MYO5B: variants seen among roughly 807,000 people sequenced by gnomAD.
MYO5B encodes myosin VB, also known as unconventional myosin-Vb.
Under a neutral mutation model 229.3 loss-of-function variants are expected in MYO5B, and 143 were observed. The observed-to-expected ratio is 0.62, with a 90% confidence interval of 0.54 to 0.72. The LOEUF (loss-of-function observed/expected upper bound fraction) is 0.72, where lower values mean the gene tolerates loss of function less well. Ranked by LOEUF, MYO5B falls within the 30% of genes least tolerant of loss-of-function variation. The pLI is 0.00. For missense variants in MYO5B, 2,321 were observed against 2,331.0 expected, an observed-to-expected ratio of 1.00 and a Z score of 0.09; for synonymous variants, 918 against 885.2, an observed-to-expected ratio of 1.04 and a Z score of -0.66.
intron 12 of MYO5B, among the ~76,000 whole-genome samples, chr18:49,958,220 T>G (rs2025517792): frequency 6.6e-6 from 1 of 152,138 alleles, no homozygotes; most frequent in Non-Finnish European, 1.5e-5. Context: ...AAAACTGAAT[T>G]TCACTCGGAG....
chr18:50,034,698 C>G (rs956399532), intron 4 of MYO5B, among the ~76,000 whole-genome samples: 2 of 152,042 alleles, frequency 1.3e-5, no homozygotes, highest in African/African-American at 4.8e-5. Context: ...GAGCTGATAT[C>G]GCAGCACTTC....
intron 14 of MYO5B, among the ~76,000 whole-genome samples, chr18:49,948,005 T>G (rs1043677888): frequency 2.0e-5 from 3 of 152,210 alleles, no homozygotes; most frequent in African/African-American, 7.2e-5. Context: ...TAATGCTATC[T>G]ACATACGTAA....
At position 50,184,706 on chromosome 18, in the gene MYO5B, G is replaced by T. The variant is rs564150142; in HGVS notation, c.27+10061C>A. Among the ~76,000 whole-genome samples, 15 of 152,172 alleles carry T rather than the reference G, an allele frequency of 9.9e-5. No individual in the cohort carries two copies. In the South Asian group the frequency reaches 1.9e-3, roughly 19 times the overall value. On this transcript the variant is annotated intron_variant, in intron 1 of 39. Coordinates refer to ENST00000285039, the MANE Select transcript of MYO5B (RefSeq NM_001080467.3). ...GCTTTATTCTTTAAATGTATATATT[G>T]TATCCTGAATATTCTGGTTTCCATG...
At chr18:49,898,022 G>A (rs2024799604) in intron 21 of MYO5B, among the ~76,000 whole-genome samples, 2 of 152,124 alleles carry the variant, frequency 1.3e-5, no homozygotes, top group Non-Finnish European at 1.5e-5. Flanking sequence ...ATATCATTGT[G>A]TTACACCTGC....
At chr18:50,183,424 T>C (rs925793853) in intron 1 of MYO5B, among the ~76,000 whole-genome samples, 4 of 150,642 alleles carry the variant, frequency 2.7e-5, no homozygotes, top group Non-Finnish European at 4.4e-5. Flanking sequence ...CATTAAATGA[T>C]GATACCTAAG....
intron 1 of MYO5B, among the ~76,000 whole-genome samples, chr18:50,132,644 T>C (rs2032272236): frequency 6.6e-6 from 1 of 152,206 alleles, no homozygotes; most frequent in Non-Finnish European, 1.5e-5. Flanking sequence ...CCATCTCTCT[T>C]CCTGGGAATA....
intron 1 of MYO5B, among the ~76,000 whole-genome samples, chr18:50,061,071 C>G (rs2030674179): frequency 6.6e-6 from 1 of 152,158 alleles, no homozygotes; most frequent in African/African-American, 2.4e-5. Flanking sequence ...AACTCTTTCC[C>G]AAAGAGCCCC....
At chr18:50,099,560 T>TGG (rs2031615427) in intron 1 of MYO5B, among the ~76,000 whole-genome samples, 1 of 152,160 alleles carries the variant, frequency 6.6e-6, no homozygotes, top group African/African-American at 2.4e-5. Flanking sequence ...AGTTGATTCT[T>TGG]GGGGTTCTAC....
chr18:50,039,868 C>A (rs1412468587), intron 3 of MYO5B, among the ~76,000 whole-genome samples: 1 of 152,158 alleles, frequency 6.6e-6, no homozygotes. Flanking sequence ...ACTTACTCCT[C>A]TCCCAGGACT....
intron 12 of MYO5B, among the ~76,000 whole-genome samples, chr18:49,955,221 T>G (rs192879671): frequency 1.1e-3 from 166 of 152,332 alleles, no homozygotes; most frequent in African/African-American, 3.5e-3. Context: ...CTCCACTGCA[T>G]TAAGAATTCT....
At chr18:50,107,129 T>C (rs1179881725) in intron 1 of MYO5B, among the ~76,000 whole-genome samples, 1 of 138,452 alleles carries the variant, frequency 7.2e-6, no homozygotes, top group East Asian at 2.1e-4. Flanking sequence ...TTTTTTTTTT[T>C]TTTTTTTTTT....
chr18:50,059,856 T>C (rs551549528), intron 1 of MYO5B, among the ~76,000 whole-genome samples: 2 of 152,316 alleles, frequency 1.3e-5, no homozygotes, highest in South Asian at 4.2e-4. Context: ...ATAATCAAAT[T>C]TTGCCTCATA....
At chr18:50,112,593 C>T (rs901314075) in intron 1 of MYO5B, among the ~76,000 whole-genome samples, 6 of 152,128 alleles carry the variant, frequency 3.9e-5, no homozygotes, top group Admixed American at 6.5e-5. Context: ...TTATGCCCCA[C>T]GAAAAACCTT....
At chr18:50,175,073 A>G (rs1454514555) in intron 1 of MYO5B, among the ~76,000 whole-genome samples, 1 of 152,212 alleles carries the variant, frequency 6.6e-6, no homozygotes, top group Non-Finnish European at 1.5e-5. Context: ...ACATCTAAAG[A>G]AAGGCAAAAC....
In MYO5B at chr18:49,826,407, T is replaced by C. The variant is rs556017518; in HGVS notation, c.*64A>G. The stretch of plus-strand genomic sequence containing the variant: ...AGATTTAACAGATCCTTGAATTTAC[T>C]TTACTGTATATACTTCCTTCTTGCT... On this transcript the variant is annotated 3_prime_UTR_variant, in exon 40 of 40. Coordinates refer to ENST00000285039, the MANE Select transcript of MYO5B (RefSeq NM_001080467.3). 5 of 1,583,058 alleles carry C rather than the reference T, an allele frequency of 3.2e-6. No individual in the cohort carries two copies. In the South Asian group the frequency reaches 4.5e-5, roughly 14 times the overall value.
intron 1 of MYO5B, among the ~76,000 whole-genome samples, chr18:50,084,718 A>C (rs1470072609): frequency 7.2e-5 from 11 of 152,360 alleles, no homozygotes; most frequent in African/African-American, 2.6e-4. Flanking sequence ...AAACAGAGAC[A>C]CAGATCAATG....
At chr18:50,049,440 A>G (rs1404837662) in intron 2 of MYO5B, among the ~76,000 whole-genome samples, 1 of 152,228 alleles carries the variant, frequency 6.6e-6, no homozygotes, top group Non-Finnish European at 1.5e-5. Flanking sequence ...GTCAAAGTTC[A>G]TCTTTTGACT....
In MYO5B at chr18:49,953,701, C is replaced by T. The variant is rs556155689; in HGVS notation, c.1669-358G>A. 3.9e-5 allele frequency among the ~76,000 whole-genome samples: 6 copies of T among 152,286 alleles called. No homozygotes were observed. The South Asian group carries it at 1.2e-3, about 32-fold the overall frequency. On this transcript the variant is annotated intron_variant, in intron 13 of 39. Transcript: ENST00000285039. ...CAATTTAAGAAACACCGAGCTAGTG[C>T]ATAGCAAACAGAAATCCACTTAGAA...
At chr18:49,999,728 C>T (rs2026025955) in intron 5 of MYO5B, among the ~76,000 whole-genome samples, 1 of 152,124 alleles carries the variant, frequency 6.6e-6, no homozygotes, top group Admixed American at 6.5e-5. Context: ...AGTGTGGTAC[C>T]CAGACGGGCA....
Sources: gnomAD v4.1 joint callset for allele counts (sites outside exome capture counted in the v4.1 genomes callset) on GRCh38, gnomAD v4.1.1 for gene constraint, MANE v1.5 for transcripts, NCBI Gene and HGNC (gene_info 2026-07-23, HGNC 2026-07-21) for gene names.